CTPS2: variants seen among roughly 807,000 people sequenced by gnomAD.
CTPS2 encodes the protein CTP synthase II.
In CTPS2, 19 loss-of-function variants were observed where a neutral mutation model predicts 46.8. That is an observed-to-expected ratio of 0.41 (90% CI 0.28 to 0.60). CTPS2 has a LOEUF of 0.60. Ranked by LOEUF, CTPS2 falls within the 20% of genes least tolerant of loss-of-function variation. The pLI is 0.35. For missense variants in CTPS2, 286 were observed against 447.6 expected, an observed-to-expected ratio of 0.64 and a Z score of 3.26; for synonymous variants, 151 against 165.2, an observed-to-expected ratio of 0.91 and a Z score of 0.66.
At chrX:16,710,474 C>G (rs763770942) in intron 1 of CTPS2, among the ~76,000 whole-genome samples, 1 of 112,547 alleles carries the variant, frequency 8.9e-6, no homozygotes, top group East Asian at 2.8e-4. Context: ...ATGATATCAG[C>G]TCTTTCCTCC....
At chrX:16,702,991 G>T in intron 1 of CTPS2, 50 bp from the exon 2 acceptor site, 13 of 721,886 alleles carry the variant, frequency 1.8e-5, no homozygotes, top group Non-Finnish European at 2.2e-5. Flanking sequence ...TTTAAAACTA[G>T]TAAAGCAGAC....
At chrX:16,626,066 T>C (rs1931127143) in intron 14 of CTPS2, among the ~76,000 whole-genome samples, 1 of 111,158 alleles carries the variant, frequency 9.0e-6, no homozygotes, top group Non-Finnish European at 1.9e-5. Context: ...CCATATCATC[T>C]AGAGTAGTCA....
At chrX:16,690,584 G>A (rs1377079199) in intron 7 of CTPS2, among the ~76,000 whole-genome samples, 1 of 111,425 alleles carries the variant, frequency 9.0e-6, no homozygotes, top group African/African-American at 3.3e-5. Context: ...AGAACCCAGA[G>A]TTATAATCTG....
chrX:16,698,833 G>A, intron 3 of CTPS2, 90 bp downstream of exon 3: 1 of 895,309 alleles, frequency 1.1e-6, no homozygotes, highest in Non-Finnish European at 1.6e-6. Flanking sequence ...TTACAGGCCT[G>A]AGCCACCGTG....
At chrX:16,618,786 C>T (rs941662380) in intron 15 of CTPS2, among the ~76,000 whole-genome samples, 3 of 111,965 alleles carry the variant, frequency 2.7e-5, no homozygotes, top group African/African-American at 9.7e-5. Context: ...TGCAATTATT[C>T]ATTATTGAGT....
chrX:16,628,612 C>T (rs771999117), intron 14 of CTPS2, among the ~76,000 whole-genome samples: 1 of 111,560 alleles, frequency 9.0e-6, no homozygotes, highest in East Asian at 2.8e-4. Context: ...GTGATTCACC[C>T]ACCTCGGCCT....
intron 10 of CTPS2, among the ~76,000 whole-genome samples, chrX:16,674,608 G>A (rs1179448545): frequency 1.8e-5 from 2 of 108,981 alleles, no homozygotes; most frequent in East Asian, 5.9e-4. Flanking sequence ...GGAGGCCAAG[G>A]TGGGCAGATC....
intron 15 of CTPS2, among the ~76,000 whole-genome samples, chrX:16,617,838 T>G (rs752160939): frequency 5.4e-5 from 6 of 112,049 alleles, no homozygotes; most frequent in Non-Finnish European, 1.1e-4. Flanking sequence ...AGTGCTTCCC[T>G]GTCAAAAGTT....
chrX:16,613,568 G>T (rs760931159), intron 16 of CTPS2, among the ~76,000 whole-genome samples: 5 of 110,186 alleles, frequency 4.5e-5, no homozygotes, highest in African/African-American at 1.3e-4. Flanking sequence ...CTAGGAGAAT[G>T]GTTCTCCACC....
intron 13 of CTPS2, among the ~76,000 whole-genome samples, chrX:16,661,666 T>C (rs950993843): frequency 2.7e-5 from 3 of 111,979 alleles, no homozygotes; most frequent in Non-Finnish European, 5.6e-5. Context: ...CACTTAACCC[T>C]GAAAATTCCT....
rs149635742 is a variant in CTPS2 at position 16,685,292 on chromosome X, T to G, written c.873-2066A>C. 3.9e-3 allele frequency among the ~76,000 whole-genome samples: 434 copies of G among 111,450 alleles called. 2 individuals are homozygous for G. The highest frequency in any genetic ancestry group is 0.013 in the African/African-American group (413 of 30,747). ...CAGCACTGGGGTCAGTATCACAGGT[T>G]ACTCCTACGGCTCACTCACAGCTGG... On this transcript the variant is annotated intron_variant, in intron 8 of 18. Coordinates refer to ENST00000359276, the MANE Select transcript of CTPS2 (RefSeq NM_175859.3).
chrX:16,599,476 CT>C (rs56794396), intron 17 of CTPS2, among the ~76,000 whole-genome samples: 17,804 of 85,702 alleles, frequency 0.21, 1,424 homozygotes, highest in African/African-American at 0.26. Flanking sequence ...TCTTTTTTTT[CT>C]TTTTTTTTTT....
chrX:16,685,342 G>A (rs1923090703), intron 8 of CTPS2, among the ~76,000 whole-genome samples: 1 of 111,486 alleles, frequency 9.0e-6, no homozygotes, highest in Admixed American at 9.5e-5. Context: ...GAGTCACTGG[G>A]CAGCAGGTGG....
chrX:16,609,752 T>C, intron 16 of CTPS2, 67 bp from the exon 17 acceptor site: 2 of 1,038,970 alleles, frequency 1.9e-6, no homozygotes. Context: ...AAGATCTTCT[T>C]ATCTTTGAAT....
intron 14 of CTPS2, 24 bp from the exon 15 acceptor site, chrX:16,620,356 T>C (rs1930757973): frequency 1.8e-6 from 2 of 1,125,510 alleles, no homozygotes; most frequent in Non-Finnish European, 2.4e-6. Flanking sequence ...AGAGCGAGAT[T>C]AATATTAGAG....
At chrX:16,637,189 G>A (rs1203363327) in intron 14 of CTPS2, among the ~76,000 whole-genome samples, 1 of 111,335 alleles carries the variant, frequency 9.0e-6, no homozygotes. Context: ...TCCCACCTCA[G>A]CCTCCCAAGC....
chrX:16,597,069 G>A (rs2147163161), intron 17 of CTPS2, among the ~76,000 whole-genome samples: 1 of 109,637 alleles, frequency 9.1e-6, no homozygotes, highest in South Asian at 3.9e-4. Context: ...ATTTGTTTGA[G>A]TTCATTGTAG....
intron 6 of CTPS2, 152 bp downstream of exon 6, chrX:16,692,989 G>A (rs1242229304): frequency 3.2e-5 from 14 of 433,645 alleles, no homozygotes; most frequent in African/African-American, 1.0e-4. Flanking sequence ...CCCAGGAGGC[G>A]GAGGTTGCAA....
At chrX:16,698,556 GTT>G (rs10604869) in intron 3 of CTPS2, among the ~76,000 whole-genome samples, 2 of 104,813 alleles carry the variant, frequency 1.9e-5, no homozygotes, top group African/African-American at 6.8e-5. Context: ...GCTTTGTTTT[GTT>G]TTTTTTTTTT....
Sources: allele counts gnomAD v4.1 joint callset (sites outside exome capture counted in the v4.1 genomes callset), GRCh38; gene constraint gnomAD v4.1.1; transcripts MANE v1.5; gene names NCBI Gene and HGNC (gene_info 2026-07-23, HGNC 2026-07-21).